The following CHST9 variants were observed in gnomAD, a reference collection of about 807,000 sequenced individuals.
The protein encoded by CHST9 is carbohydrate sulfotransferase 9, also known as GalNAc-4-sulfotransferase 2.
A neutral mutation model predicts 44.4 loss-of-function variants in CHST9; 41 were observed. The observed-to-expected ratio is 0.92, with a 90% CI of 0.72 to 1.20. CHST9 has a LOEUF of 1.20. Ranked by LOEUF, CHST9 falls within the 50% of genes most tolerant of loss-of-function variation. CHST9 has a pLI of 0.00. For missense variants in CHST9, 504 were observed against 516.5 expected (o/e 0.98, Z 0.23); for synonymous variants, 171 against 178.4 (o/e 0.96, Z 0.33).
At chr18:27,124,896 A>T (rs2058406993) in intron 2 of CHST9, among the ~76,000 whole-genome samples, 1 of 152,228 alleles carries the variant, frequency 6.6e-6, no homozygotes, top group East Asian at 1.9e-4. Flanking sequence ...TATTTCTGGC[A>T]GAGTGATAAT....
chr18:27,036,434 C>T (rs1365221853), intron 3 of CHST9, among the ~76,000 whole-genome samples: 1 of 152,184 alleles, frequency 6.6e-6, no homozygotes, highest in Admixed American at 6.5e-5. Flanking sequence ...AATTAAATAA[C>T]GTAACCTAGA....
At chr18:26,931,993 G>A (rs1161940422) in intron 5 of CHST9, among the ~76,000 whole-genome samples, 3 of 152,052 alleles carry the variant, frequency 2.0e-5, no homozygotes, top group African/African-American at 7.2e-5. Context: ...AACTATAGGA[G>A]TGTTTCCTTG....
At chr18:27,182,077 C>T (rs566883593) in intron 1 of CHST9, among the ~76,000 whole-genome samples, 1 of 152,114 alleles carries the variant, frequency 6.6e-6, no homozygotes. Flanking sequence ...AAGACAAACA[C>T]AAATGACTTT....
At chr18:27,007,830 G>C (rs1246574295) in intron 4 of CHST9, among the ~76,000 whole-genome samples, 1 of 152,120 alleles carries the variant, frequency 6.6e-6, no homozygotes, top group Non-Finnish European at 1.5e-5. Context: ...AATAGGGTCT[G>C]GGGGGACAGG....
rs573184393 is a variant in CHST9 at position 27,079,939 on chromosome 18, A to G, written c.122-31436T>C. Among the ~76,000 whole-genome samples, 29 of 152,280 alleles carry G rather than the reference A, an allele frequency of 1.9e-4. No homozygotes were observed. In the South Asian group the frequency reaches 5.6e-3, roughly 29 times the overall value. ...GGAGTCCACCTAGGTAATTCAAAAT[A>G]ATCTCCCCATCTGGGGTCCTTTGCT... On this transcript the variant is annotated intron_variant, in intron 2 of 5. Transcript: ENST00000618847.
chr18:27,043,683 C>G (rs1207461778), intron 3 of CHST9, among the ~76,000 whole-genome samples: 1 of 151,968 alleles, frequency 6.6e-6, no homozygotes, highest in Non-Finnish European at 1.5e-5. Flanking sequence ...CCTTGCCTCC[C>G]GTCAATTTCT....
intron 2 of CHST9, among the ~76,000 whole-genome samples, chr18:27,121,351 A>G (rs888800677): frequency 2.6e-5 from 4 of 152,004 alleles, no homozygotes; most frequent in African/African-American, 9.7e-5. Flanking sequence ...TTGGTGTACC[A>G]CATGCCTATT....
intron 2 of CHST9, among the ~76,000 whole-genome samples, chr18:27,129,548 A>G (rs113151336): frequency 0.018 from 2,679 of 152,016 alleles, 69 homozygotes; most frequent in African/African-American, 0.06. Context: ...GTGCATCATC[A>G]TGCCCAGATA....
intron 2 of CHST9, among the ~76,000 whole-genome samples, chr18:27,065,801 C>A (rs2143630957): frequency 6.6e-6 from 1 of 152,218 alleles, no homozygotes; most frequent in East Asian, 1.9e-4. Context: ...TAAGTTATTT[C>A]CAATTCTGCA....
At chr18:27,046,803 C>T (rs1181712397) in intron 3 of CHST9, among the ~76,000 whole-genome samples, 2 of 152,016 alleles carry the variant, frequency 1.3e-5, no homozygotes, top group Non-Finnish European at 2.9e-5. Flanking sequence ...AGAATATGGG[C>T]TCTATCCATT....
intron 1 of CHST9, among the ~76,000 whole-genome samples, chr18:27,170,732 G>C (rs1001751944): frequency 1.3e-5 from 2 of 152,020 alleles, no homozygotes; most frequent in Admixed American, 6.5e-5. Context: ...AAAATACAAA[G>C]TATAAAAACC....
intron 5 of CHST9, among the ~76,000 whole-genome samples, chr18:26,917,565 G>A (rs1341564771): frequency 1.3e-5 from 2 of 152,148 alleles, no homozygotes; most frequent in Middle Eastern, 3.2e-3. Context: ...ACAGGATAGG[G>A]AGGAAAGAGC....
At chr18:27,143,026 G>A (rs1436472522) in intron 1 of CHST9, 121 bp from the exon 2 acceptor site, 2 of 352,802 alleles carry the variant, frequency 5.7e-6, no homozygotes, top group African/African-American at 4.2e-5. Flanking sequence ...ATGCTCTGAA[G>A]ACAGAAAAGA....
At chr18:27,145,858 T>C (rs1420066603) in intron 1 of CHST9, among the ~76,000 whole-genome samples, 1 of 152,310 alleles carries the variant, frequency 6.6e-6, no homozygotes, top group East Asian at 1.9e-4. Flanking sequence ...AGGGAAGCTA[T>C]GAAATGAAGC....
intron 3 of CHST9, among the ~76,000 whole-genome samples, chr18:27,031,027 A>G (rs921441871): frequency 6.6e-6 from 1 of 152,150 alleles, no homozygotes; most frequent in African/African-American, 2.4e-5. Flanking sequence ...GTGTTCTCAT[A>G]TGTGTTACTT....
At chr18:27,123,813 G>C (rs1018920818) in intron 2 of CHST9, among the ~76,000 whole-genome samples, 16 of 152,136 alleles carry the variant, frequency 1.1e-4, no homozygotes, top group African/African-American at 3.9e-4. Flanking sequence ...CACCACCACA[G>C]CAAACCTGGG....
chr18:26,995,312 C>T (rs2145215994), intron 4 of CHST9, among the ~76,000 whole-genome samples: 2 of 151,080 alleles, frequency 1.3e-5, no homozygotes, highest in Middle Eastern at 6.9e-3. Context: ...GTGGTGGGCG[C>T]CTGTAGTCTC....
At chr18:27,072,666 T>C (rs2057853919) in intron 2 of CHST9, among the ~76,000 whole-genome samples, 1 of 152,120 alleles carries the variant, frequency 6.6e-6, no homozygotes, top group African/African-American at 2.4e-5. Context: ...GGTCAGATCA[T>C]CCTGACAGAT....
intron 1 of CHST9, among the ~76,000 whole-genome samples, chr18:27,145,055 T>C (rs2058600497): frequency 6.6e-6 from 1 of 152,022 alleles, no homozygotes; most frequent in Admixed American, 6.6e-5. Context: ...AATTCAGAAT[T>C]AGAAGTGAAT....
Sources: gnomAD v4.1 joint callset for allele counts (sites outside exome capture counted in the v4.1 genomes callset) on GRCh38, gnomAD v4.1.1 for gene constraint, MANE v1.5 for transcripts, NCBI Gene and HGNC (gene_info 2026-07-23, HGNC 2026-07-21) for gene names.